Variants in PRKX observed in about 807,000 individuals in gnomAD.
The protein encoded by PRKX is cAMP-dependent protein kinase catalytic subunit PRKX.
A neutral mutation model predicts 22.0 loss-of-function variants in PRKX; 12 were observed. The observed-to-expected ratio is 0.54, with a 90% CI of 0.35 to 0.88. PRKX has a LOEUF of 0.88. Ranked by LOEUF, PRKX falls within the 40% of genes least tolerant of loss-of-function variation. The pLI is 0.01. For missense variants in PRKX, 217 were observed against 308.0 expected, an observed-to-expected ratio of 0.70 and a Z score of 2.21; for synonymous variants, 134 against 137.7, an observed-to-expected ratio of 0.97 and a Z score of 0.19.
chrX:3,627,652 G>A (rs975952645), intron 4 of PRKX, among the ~76,000 whole-genome samples: 1 of 109,015 alleles, frequency 9.2e-6, no homozygotes, highest in Non-Finnish European at 1.9e-5. Context: ...TTTGTAGAGC[G>A]GGGGTTTCAC....
At chrX:3,609,158 GT>G (rs892083553) in intron 8 of PRKX, among the ~76,000 whole-genome samples, 1 of 110,759 alleles carries the variant, frequency 9.0e-6, no homozygotes, top group Non-Finnish European at 1.9e-5. Context: ...AAGGTAAGGG[GT>G]TTTTTTGGTT....
At chrX:3,648,655 T>TGTGTGTGTGA (rs1192738590) in intron 3 of PRKX, among the ~76,000 whole-genome samples, 20 of 101,053 alleles carry the variant, frequency 2.0e-4, no homozygotes, top group Non-Finnish European at 1.6e-4. Flanking sequence ...TGTGTGTGTG[T>TGTGTGTGTGA]GTGAAAGGGG....
intron 1 of PRKX, among the ~76,000 whole-genome samples, chrX:3,695,742 C>G (rs986337917): frequency 1.8e-5 from 2 of 111,769 alleles, no homozygotes; most frequent in South Asian, 7.5e-4. Context: ...AATGATCTGT[C>G]ATTTCTGGGA....
chrX:3,672,420 G>A (rs1318457780), intron 2 of PRKX, among the ~76,000 whole-genome samples: 4 of 111,375 alleles, frequency 3.6e-5, no homozygotes, highest in Non-Finnish European at 7.5e-5. Flanking sequence ...ATCCTGCCTT[G>A]AAGAAAGGAG....
Position 3,708,789 on chromosome X carries a change from G to A in PRKX, c.166+4299C>T, listed in dbSNP as rs138181512. Among the ~76,000 whole-genome samples the A allele has an allele frequency of 3.5e-3, 385 of 108,532 alleles. 2 individuals carry two copies. Among genetic ancestry groups the A allele is most frequent in the African/African-American group, 0.012 (354 of 29,730 alleles). The allele number at this position is 108,532 out of a possible 115,157, so 94.2% of individuals were successfully genotyped here. A position where few individuals can be genotyped will look rare whatever the true frequency, so the allele number is the denominator to read the frequency against. On this transcript the variant is annotated intron_variant, in intron 1 of 8. Coordinates refer to ENST00000262848, the MANE Select transcript of PRKX (RefSeq NM_005044.5). ...TGAGGCAGGAGAATCGCTTGAACCC[G>A]GGAAGCAGAGGTTGTGGTCAATACA...
Position 3,674,613 on chromosome X carries a change from G to T in PRKX, c.320C>A (p.Pro107Gln). 1 of 1,211,542 alleles carries T rather than the reference G, an allele frequency of 8.3e-7. No individual in the cohort carries two copies. Among genetic ancestry groups the T allele is most frequent in the South Asian group, 1.8e-5 (1 of 56,959 alleles). ...EKSVLKEVSH[P>Q]FLIRLFWTWH... ...GGGGACTCACAGCCTGATGAGGAAC[G>T]GGTGGCTGACTTCCTTCAGGACAGA... Residue 107 changes from proline (P) to glutamine (Q), a missense_variant, in exon 2 of 9, where the codon CCG (proline) becomes CAG (glutamine). By Grantham distance (76) the Pro-to-Gln change is moderately conservative. Coordinates refer to ENST00000262848, the MANE Select transcript of PRKX (RefSeq NM_005044.5).
At chrX:3,668,372 A>G (rs1927779008) in intron 2 of PRKX, among the ~76,000 whole-genome samples, 1 of 110,801 alleles carries the variant, frequency 9.0e-6, no homozygotes, top group African/African-American at 3.3e-5. Context: ...TGCCTTTAAA[A>G]TTCAAATAGA....
chrX:3,712,932 C>T (rs1324811287), intron 1 of PRKX, among the ~76,000 whole-genome samples, 156 bp downstream of exon 1: 1 of 112,606 alleles, frequency 8.9e-6, no homozygotes, highest in East Asian at 2.8e-4. Flanking sequence ...CGGGAAGACC[C>T]GGGGCGCAGG....
intron 1 of PRKX, among the ~76,000 whole-genome samples, chrX:3,693,827 C>G (rs1244181429): frequency 9.4e-6 from 1 of 105,962 alleles, no homozygotes; most frequent in Non-Finnish European, 1.9e-5. Context: ...GTAGTCCCAG[C>G]TACTTGGGAG....
rs1927838922 is a variant in PRKX, at chrX:3,671,154, A to G, written c.335+3444T>C. Among the ~76,000 whole-genome samples the G allele has an allele frequency of 2.7e-5, 3 of 111,654 alleles. No homozygotes were observed. In the South Asian group the frequency reaches 1.1e-3, roughly 42 times the overall value. On this transcript the variant is annotated intron_variant, in intron 2 of 8. Coordinates refer to ENST00000262848, the MANE Select transcript of PRKX (RefSeq NM_005044.5). Reference sequence around the variant, plus strand: ...CAGGCTCAAGAGATTCTAGTGCCCCAGCCTCCCAAGTAGCTGGGTTATAGA... The same window carrying G: ...CAGGCTCAAGAGATTCTAGTGCCCCGGCCTCCCAAGTAGCTGGGTTATAGA...
rs761834277 is a variant in PRKX at position 3,655,137 on chromosome X, C to T, written c.599+12G>A. 6.6e-6 allele frequency: 8 copies of T among 1,208,172 alleles called. No individual in the cohort carries two copies. The highest frequency in any genetic ancestry group is 1.8e-5 in the South Asian group (1 of 56,627). Reference sequence around the variant, plus strand: ...GCAGTGTAGATTCCATCGGAGTTCACGTTCCTCTTACCTGTCTACCAGCTT... The same window carrying T: ...GCAGTGTAGATTCCATCGGAGTTCATGTTCCTCTTACCTGTCTACCAGCTT... On this transcript the variant is annotated intron_variant, in intron 3 of 8. Coordinates refer to ENST00000262848, the MANE Select transcript of PRKX (RefSeq NM_005044.5).
intron 6 of PRKX, among the ~76,000 whole-genome samples, chrX:3,620,725 G>A (rs1926536808): frequency 8.9e-6 from 1 of 112,174 alleles, no homozygotes; most frequent in Admixed American, 9.4e-5. Context: ...CAAAAAGGTC[G>A]GGGACCGCTG....
intron 1 of PRKX, among the ~76,000 whole-genome samples, chrX:3,705,593 C>G (rs1603474927): frequency 8.9e-6 from 1 of 111,977 alleles, no homozygotes; most frequent in Non-Finnish European, 1.9e-5. Flanking sequence ...ACTTTTCTAA[C>G]AGGGAAAACG....
In PRKX at chrX:3,608,578, T is replaced by TACACACACACACACACACACAC. The variant is rs57960952; in HGVS notation, c.*369_*390dup. The TACACACACACACACACACACAC allele has an allele frequency of 1.1e-5, 1 of 94,531 alleles. No homozygotes were observed. Among genetic ancestry groups the TACACACACACACACACACACAC allele is most frequent in the African/African-American group, 3.8e-5 (1 of 26,492 alleles). 7.8% of individuals were successfully genotyped at this position (94,531 alleles called of 1,213,427 possible). A position where few individuals can be genotyped will look rare whatever the true frequency, so the allele number is the denominator to read the frequency against. On this transcript the variant is annotated 3_prime_UTR_variant, in exon 9 of 9. Coordinates refer to ENST00000262848, the MANE Select transcript of PRKX (RefSeq NM_005044.5). ...TGACTTCTATATATACACACAGGCA[T>TACACACACACACACACACACAC]ACACACACACACACACACACACACA...
In PRKX at chrX:3,626,493, G is replaced by A. The variant is rs746256331; in HGVS notation, c.741C>T (p.Asp247=). The change falls in exon 5 of 9, where the codon GAC becomes GAT. Residue 247 remains aspartate, a synonymous_variant. Transcript: ENST00000262848. ...TTTTCTGATAAATGCCAAACGGGTT[G>A]TCATCAAAAAACGGAGGAAACCTGT... ...MLSGFPPFFD[D]NPFGIYQKIL... 3 of 1,209,799 alleles carry A rather than the reference G, an allele frequency of 2.5e-6. No homozygotes were observed. The highest frequency in any genetic ancestry group is 3.4e-6 in the Non-Finnish European group (3 of 893,698).
intron 3 of PRKX, among the ~76,000 whole-genome samples, chrX:3,651,319 G>A (rs1174151924): frequency 8.9e-6 from 1 of 111,893 alleles, no homozygotes; most frequent in Non-Finnish European, 1.9e-5. Context: ...TGAATTAACT[G>A]GACAGTAACA....
intron 1 of PRKX, among the ~76,000 whole-genome samples, chrX:3,687,218 G>A (rs1022462132): frequency 2.7e-5 from 3 of 110,086 alleles, no homozygotes; most frequent in African/African-American, 6.6e-5. Flanking sequence ...TTTTCACCCA[G>A]GCTGGTCTCA....
intron 2 of PRKX, among the ~76,000 whole-genome samples, chrX:3,672,171 G>A (rs1302278252): frequency 9.1e-6 from 1 of 110,168 alleles, no homozygotes; most frequent in African/African-American, 3.3e-5. Context: ...CTCCAAGATG[G>A]GCCACAGAGC....
intron 4 of PRKX, among the ~76,000 whole-genome samples, chrX:3,628,172 T>A (rs887127887): frequency 1.8e-5 from 2 of 111,024 alleles, no homozygotes; most frequent in African/African-American, 6.6e-5. Flanking sequence ...CACTTGTGCT[T>A]ACTCATACAT....
Sources: gnomAD v4.1 joint callset for allele counts (sites outside exome capture counted in the v4.1 genomes callset) on GRCh38, gnomAD v4.1.1 for gene constraint, MANE v1.5 for transcripts, NCBI Gene and HGNC (gene_info 2026-07-23, HGNC 2026-07-21) for gene names.